The following DAPP1 variants were observed in gnomAD, a reference collection of about 807,000 sequenced individuals.
DAPP1 encodes the protein dual adapter for phosphotyrosine and 3-phosphotyrosine and 3-phosphoinositide.
A neutral mutation model predicts 41.5 loss-of-function variants in DAPP1; 20 were observed. The observed-to-expected ratio is 0.48, with a 90% CI of 0.34 to 0.70. The LOEUF (loss-of-function observed/expected upper bound fraction) is 0.70, where lower values mean the gene tolerates loss of function less well. DAPP1 is among the 30% of genes least tolerant of loss of function. The pLI, the probability that DAPP1 is intolerant of heterozygous loss-of-function variation, is 0.01. For missense variants in DAPP1, 233 were observed against 333.4 expected, an observed-to-expected ratio of 0.70 and a Z score of 2.35; for synonymous variants, 113 against 116.2, an observed-to-expected ratio of 0.97 and a Z score of 0.18.
chr4:99,835,258 C>G (rs768065668), intron 1 of DAPP1, among the ~76,000 whole-genome samples: 6 of 152,116 alleles, frequency 3.9e-5, no homozygotes, highest in Admixed American at 3.3e-4. Context: ...ATCCGCCTGC[C>G]TTGGCCTCCC....
At chr4:99,850,738 C>T (rs17029594) in intron 3 of DAPP1, among the ~76,000 whole-genome samples, 6,328 of 152,148 alleles carry the variant, frequency 0.042, 288 homozygotes, top group East Asian at 0.24. Context: ...CAGAATGTTG[C>T]GTCTAGGTCT....
At chr4:99,835,529 A>C (rs1020502303) in intron 1 of DAPP1, 94 bp from the exon 2 acceptor site, 166 of 1,526,922 alleles carry the variant, frequency 1.1e-4, no homozygotes, top group Non-Finnish European at 1.3e-4. Context: ...TATCTTGAAG[A>C]ATGTTGCTAG....
downstream of DAPP1, among the ~76,000 whole-genome samples, chr4:99,871,795 G>A (rs1365492): frequency 0.5 from 75,907 of 152,100 alleles, 19,684 homozygotes; most frequent in African/African-American, 0.64. Flanking sequence ...AAGGTGATTC[G>A]GAGCACATTC....
chr4:99,870,017 T>G lies in DAPP1; in HGVS notation c.*1832T>G. ...TATGTATAGTTTTATGTTTGTTTTCTTAGAAACAAATGTGTTTCTTTGGGT... is the reference window on the plus strand; with the variant it reads ...TATGTATAGTTTTATGTTTGTTTTCGTAGAAACAAATGTGTTTCTTTGGGT... On this transcript the variant is annotated 3_prime_UTR_variant, in exon 9 of 9. Coordinates refer to ENST00000512369, the MANE Select transcript of DAPP1 (RefSeq NM_014395.3). 6.6e-6 allele frequency: 1 copy of G among 152,198 alleles called. No homozygotes were observed. The highest frequency in any genetic ancestry group is 1.9e-4 in the East Asian group (1 of 5,202). 9.4% of individuals were successfully genotyped at this position (152,198 alleles called of 1,614,324 possible). A position where few individuals can be genotyped will look rare whatever the true frequency, so the allele number is the denominator to read the frequency against.
intron 4 of DAPP1, among the ~76,000 whole-genome samples, chr4:99,855,313 C>G (rs1449846320): frequency 6.6e-6 from 1 of 152,220 alleles, no homozygotes; most frequent in Non-Finnish European, 1.5e-5. Context: ...TAAAGATCTC[C>G]ACTCAAGGTC....
intron 2 of DAPP1, among the ~76,000 whole-genome samples, chr4:99,839,957 G>T (rs1723439901): frequency 6.6e-6 from 1 of 152,220 alleles, no homozygotes; most frequent in Non-Finnish European, 1.5e-5. Flanking sequence ...AGATACTCAG[G>T]AGGCTGAGGC....
At chr4:99,867,846 A>G (rs1303371138) in intron 8 of DAPP1, among the ~76,000 whole-genome samples, 5 of 152,166 alleles carry the variant, frequency 3.3e-5, no homozygotes. Flanking sequence ...ATTGAATAGT[A>G]TTGCATTTTA....
intron 4 of DAPP1, among the ~76,000 whole-genome samples, chr4:99,858,973 C>T (rs764141476): frequency 3.9e-5 from 6 of 151,978 alleles, no homozygotes; most frequent in Non-Finnish European, 7.4e-5. Context: ...GATCACGGCT[C>T]ATGAAGCCTC....
rs1723456063 is a variant in DAPP1 at position 99,840,414 on chromosome 4, G to A, written c.350G>A (p.Ser117Asn). 1 of 1,611,284 alleles carries A rather than the reference G, an allele frequency of 6.2e-7. No homozygotes were observed. Among genetic ancestry groups the A allele is most frequent in the Non-Finnish European group, 8.5e-7 (1 of 1,179,150 alleles). ...TTTGCAAATCAGCCTTTGATTGGAAGCGAGACAGGTAAGCTATGAGCAGAC... is the reference window on the plus strand; with the variant it reads ...TTTGCAAATCAGCCTTTGATTGGAAACGAGACAGGTAAGCTATGAGCAGAC... ...KHFANQPLIG[S>N]ETGTLMVLKH... Residue 117 changes from serine to asparagine, a missense_variant, in exon 3 of 9, where the codon AGC becomes AAC. By Grantham distance (46) the Ser-to-Asn change is conservative (BLOSUM62 1). Transcript: ENST00000512369.
chr4:99,838,644 G>A (rs888579651), intron 2 of DAPP1, among the ~76,000 whole-genome samples: 4 of 152,202 alleles, frequency 2.6e-5, no homozygotes, highest in Non-Finnish European at 2.9e-5. Flanking sequence ...CTGACAGGAG[G>A]CAGAGCTCAG....
intron 3 of DAPP1, among the ~76,000 whole-genome samples, chr4:99,850,468 T>C (rs1723817170): frequency 6.6e-6 from 1 of 152,136 alleles, no homozygotes; most frequent in African/African-American, 2.4e-5. Flanking sequence ...TCGTATCAAC[T>C]AAGTACATCT....
At chr4:99,825,724 T>C (rs1235194685) in intron 1 of DAPP1, among the ~76,000 whole-genome samples, 1 of 152,212 alleles carries the variant, frequency 6.6e-6, no homozygotes, top group Non-Finnish European at 1.5e-5. Flanking sequence ...TCTGAGACCA[T>C]GTAAGAACTT....
rs58862847 is a variant in DAPP1, at chr4:99,865,900, A to AAT, written c.687-110_687-109dup. The AAT allele has an allele frequency of 9.4e-3, 658 of 70,148 alleles. 5 individuals carry two copies. The highest frequency in any genetic ancestry group is 0.016 in the Admixed American group (68 of 4,258). 4.3% of individuals were successfully genotyped at this position (70,148 alleles called of 1,614,324 possible). A position where few individuals can be genotyped will look rare whatever the true frequency, so the allele number is the denominator to read the frequency against. ...GCAATACTCTAATTAGTGTTCAACT[A>AAT]ATATATATATATATATATATATATA... On this transcript the variant is annotated intron_variant, in intron 7 of 8. Coordinates refer to ENST00000512369, the MANE Select transcript of DAPP1 (RefSeq NM_014395.3).
chr4:99,855,393 A>C (rs1212529124), intron 4 of DAPP1, among the ~76,000 whole-genome samples: 1 of 152,202 alleles, frequency 6.6e-6, no homozygotes, highest in African/African-American at 2.4e-5. Flanking sequence ...AATTTGTGAG[A>C]TTGGTGTGAG....
chr4:99,847,975 G>C (rs947444369), intron 3 of DAPP1, among the ~76,000 whole-genome samples: 1 of 151,722 alleles, frequency 6.6e-6, no homozygotes, highest in Non-Finnish European at 1.5e-5. Context: ...CACCATGCCC[G>C]GCTAATTTTT....
chr4:99,842,013 C>T (rs1388113497), intron 3 of DAPP1, among the ~76,000 whole-genome samples: 3 of 152,224 alleles, frequency 2.0e-5, no homozygotes, highest in African/African-American at 7.2e-5. Flanking sequence ...ACATATTCTG[C>T]CTACTGGCAG....
chr4:99,858,290 C>T (rs1398938736), intron 4 of DAPP1, among the ~76,000 whole-genome samples: 8 of 152,228 alleles, frequency 5.3e-5, no homozygotes, highest in Admixed American at 1.3e-4. Context: ...GTGACTTTGA[C>T]ACATCTGAAA....
chr4:99,826,312 A>G (rs1167429954), intron 1 of DAPP1, among the ~76,000 whole-genome samples: 1 of 152,174 alleles, frequency 6.6e-6, no homozygotes, highest in Non-Finnish European at 1.5e-5. Flanking sequence ...ACAACTTTGA[A>G]AATGAAATAA....
chr4:99,837,511 A>C (rs1723343296), intron 2 of DAPP1, among the ~76,000 whole-genome samples: 1 of 152,196 alleles, frequency 6.6e-6, no homozygotes, highest in Admixed American at 6.5e-5. Context: ...TTTCTGAATA[A>C]CATAGATGAA....
Sources: allele counts gnomAD v4.1 joint callset (sites outside exome capture counted in the v4.1 genomes callset), GRCh38; gene constraint gnomAD v4.1.1; transcripts MANE v1.5; gene names NCBI Gene and HGNC (gene_info 2026-07-23, HGNC 2026-07-21).